Variants in RALYL observed in about 807,000 individuals in gnomAD.
The protein encoded by RALYL is RNA-binding Raly-like protein.
A neutral mutation model predicts 35.1 loss-of-function variants in RALYL; 29 were observed. That is an observed-to-expected ratio of 0.83 (90% CI 0.61 to 1.13). The LOEUF is 1.13. Ranked by LOEUF, RALYL falls within the 50% of genes most tolerant of loss-of-function variation. RALYL has a pLI of 0.00. For synonymous variants in RALYL, 120 were observed against 127.6 expected, an observed-to-expected ratio of 0.94 and a Z score of 0.40; for missense variants, 359 against 360.4, an observed-to-expected ratio of 1.00 and a Z score of 0.03.
At chr8:84,227,310 G>A (rs774862807) in intron 1 of RALYL, among the ~76,000 whole-genome samples, 6 of 151,546 alleles carry the variant, frequency 4.0e-5, no homozygotes, top group South Asian at 2.1e-4. Context: ...CACCCGCCTC[G>A]GTCTCTCAAA....
At chr8:84,446,900 A>G (rs1049671519) in intron 1 of RALYL, among the ~76,000 whole-genome samples, 24 of 152,150 alleles carry the variant, frequency 1.6e-4, no homozygotes, top group African/African-American at 4.3e-4. Flanking sequence ...CTGATAGGTA[A>G]TATGAGAACC....
chr8:84,811,092 C>G (rs1055855299), intron 4 of RALYL, among the ~76,000 whole-genome samples: 1 of 151,324 alleles, frequency 6.6e-6, no homozygotes, highest in Non-Finnish European at 1.5e-5. Context: ...TTAACTTATA[C>G]TTTTGTTTTC....
intron 1 of RALYL, among the ~76,000 whole-genome samples, chr8:84,506,814 G>T (rs1363690254): frequency 6.6e-6 from 1 of 151,592 alleles, no homozygotes; most frequent in Non-Finnish European, 1.5e-5. Flanking sequence ...TTTTTTGATT[G>T]ACCCCTTTAA....
intron 2 of RALYL, among the ~76,000 whole-genome samples, chr8:84,766,564 A>AATAT (rs1814044376): frequency 6.8e-6 from 1 of 147,678 alleles, no homozygotes; most frequent in African/African-American, 2.5e-5. Context: ...TAAATAAATA[A>AATAT]ATAAATAAAA....
chr8:84,445,326 T>C (rs2133061415), intron 1 of RALYL, among the ~76,000 whole-genome samples: 1 of 152,182 alleles, frequency 6.6e-6, no homozygotes, highest in South Asian at 2.1e-4. Flanking sequence ...CATGACTTTA[T>C]AATCAGTATT....
intron 1 of RALYL, among the ~76,000 whole-genome samples, chr8:84,488,683 G>A (rs1489916174): frequency 2.6e-5 from 4 of 152,094 alleles, no homozygotes; most frequent in South Asian, 4.1e-4. Context: ...ATAGAATGGT[G>A]ATTACTTGCA....
chr8:84,698,601 A>G (rs1839600510), intron 2 of RALYL, among the ~76,000 whole-genome samples: 1 of 152,122 alleles, frequency 6.6e-6, no homozygotes. Context: ...TGAATTTTAT[A>G]TAGATAAAAC....
intron 2 of RALYL, chr8:84,679,053 A>G: frequency 1.2e-5 from 4 of 337,636 alleles, no homozygotes; most frequent in South Asian, 5.4e-5. Context: ...CAAATAAGCA[A>G]ATGCTCCAGG....
intron 8 of RALYL, among the ~76,000 whole-genome samples, chr8:84,908,085 TA>T (rs1846838850): frequency 6.6e-6 from 1 of 152,208 alleles, no homozygotes; most frequent in Admixed American, 6.6e-5. Flanking sequence ...TGTATATTGA[TA>T]AATTATAATT....
intron 1 of RALYL, among the ~76,000 whole-genome samples, chr8:84,304,578 A>AAAAT (rs1841443837): frequency 6.6e-6 from 1 of 151,692 alleles, no homozygotes; most frequent in Non-Finnish European, 1.5e-5. Context: ...TGTTTTATGT[A>AAAAT]AAATAAACTC....
chr8:84,315,306 G>T (rs1843524335), intron 1 of RALYL, among the ~76,000 whole-genome samples: 1 of 152,114 alleles, frequency 6.6e-6, no homozygotes, highest in Non-Finnish European at 1.5e-5. Context: ...GATTGATGAA[G>T]TCTCTATGTA....
intron 1 of RALYL, among the ~76,000 whole-genome samples, chr8:84,522,523 A>G (rs983777033): frequency 6.6e-6 from 1 of 152,162 alleles, no homozygotes; most frequent in Non-Finnish European, 1.5e-5. Context: ...TGCTGGGATT[A>G]CAGGCGTGAG....
At chr8:84,306,690 T>C (rs1255240881) in intron 1 of RALYL, among the ~76,000 whole-genome samples, 1 of 152,122 alleles carries the variant, frequency 6.6e-6, no homozygotes, top group Admixed American at 6.5e-5. Flanking sequence ...ACAATGAAGA[T>C]CCTTTCAGAA....
chr8:84,253,333 G>A (rs1313717338), intron 1 of RALYL, among the ~76,000 whole-genome samples: 1 of 149,826 alleles, frequency 6.7e-6, no homozygotes, highest in Non-Finnish European at 1.5e-5. Context: ...GAGATTATAG[G>A]TGTGTGCCAC....
intron 1 of RALYL, among the ~76,000 whole-genome samples, chr8:84,273,953 C>T (rs1056469149): frequency 1.1e-4 from 16 of 152,178 alleles, no homozygotes; most frequent in African/African-American, 3.6e-4. Flanking sequence ...CCATATAAAA[C>T]ATGTATTTTA....
intron 2 of RALYL, among the ~76,000 whole-genome samples, chr8:84,677,142 A>G (rs1297865829): frequency 6.6e-6 from 1 of 152,212 alleles, no homozygotes; most frequent in Non-Finnish European, 1.5e-5. Context: ...AATTAAAGGA[A>G]TGAAGAAGCC....
intron 1 of RALYL, among the ~76,000 whole-genome samples, chr8:84,297,757 ATATCTCAT>A (rs929441163): frequency 3.3e-5 from 5 of 151,932 alleles, no homozygotes; most frequent in South Asian, 4.1e-4. Context: ...CTGGTGTGAA[ATATCTCAT>A]TGTGGTTTTG....
chr8:84,479,444 A>G (rs1014654939), intron 1 of RALYL, among the ~76,000 whole-genome samples: 1 of 152,174 alleles, frequency 6.6e-6, no homozygotes, highest in African/African-American at 2.4e-5. Flanking sequence ...TTGTTTTCCT[A>G]AAATGACCAA....
intron 1 of RALYL, among the ~76,000 whole-genome samples, chr8:84,498,018 A>G (rs1410887286): frequency 6.6e-6 from 1 of 151,006 alleles, no homozygotes; most frequent in Non-Finnish European, 1.5e-5. Flanking sequence ...CAGCTTTGTT[A>G]CAGAGGTATA....
Sources: allele counts gnomAD v4.1 joint callset (sites outside exome capture counted in the v4.1 genomes callset), GRCh38; gene constraint gnomAD v4.1.1; transcripts MANE v1.5; gene names NCBI Gene and HGNC (gene_info 2026-07-23, HGNC 2026-07-21).